The following AGBL4 variants were observed in gnomAD, a reference collection of about 807,000 sequenced individuals.
AGBL4 encodes cytosolic carboxypeptidase 6.
AGBL4 carries 58 observed loss-of-function variants against 66.4 expected under a neutral mutation model. That is an observed-to-expected ratio of 0.87 (90% CI 0.71 to 1.09). The LOEUF (loss-of-function observed/expected upper bound fraction) is 1.09, where lower values mean the gene tolerates loss of function less well. Ranked by LOEUF, AGBL4 falls within the 50% of genes least tolerant of loss-of-function variation. The pLI is 0.00. For synonymous variants in AGBL4, 234 were observed against 222.9 expected (o/e 1.05, Z -0.44); for missense variants, 579 against 631.0 (o/e 0.92, Z 0.88).
chr1:48,776,790 G>A (rs1645114625), intron 6 of AGBL4: 4 of 1,524,922 alleles, frequency 2.6e-6, no homozygotes, highest in Middle Eastern at 1.7e-4. Flanking sequence ...CGGGCAGCGC[G>A]TAGCAGACGT....
intron 5 of AGBL4, among the ~76,000 whole-genome samples, chr1:49,022,240 G>T (rs1233005457): frequency 2.0e-5 from 3 of 151,990 alleles, no homozygotes; most frequent in Non-Finnish European, 4.4e-5. Context: ...AAATGATAGT[G>T]CAGGATGAAG....
At chr1:49,593,349 G>A (rs1644789633) in intron 3 of AGBL4, among the ~76,000 whole-genome samples, 1 of 151,944 alleles carries the variant, frequency 6.6e-6, no homozygotes, top group Admixed American at 6.6e-5. Context: ...AGAGCTTGCA[G>A]TGAGCCGAGA....
chr1:49,610,876 G>A (rs1457244272), intron 3 of AGBL4, among the ~76,000 whole-genome samples: 2 of 152,064 alleles, frequency 1.3e-5, no homozygotes, highest in Admixed American at 6.6e-5. Flanking sequence ...CATATCACTC[G>A]GGGTCTGGCT....
chr1:49,429,322 T>C (rs1216669620), intron 3 of AGBL4, among the ~76,000 whole-genome samples: 2 of 152,224 alleles, frequency 1.3e-5, no homozygotes, highest in African/African-American at 4.8e-5. Flanking sequence ...AGAACACGCT[T>C]AGTGAATTTC....
chr1:49,920,635 T>C (rs1456159919), intron 1 of AGBL4, among the ~76,000 whole-genome samples: 4 of 152,106 alleles, frequency 2.6e-5, no homozygotes, highest in Non-Finnish European at 4.4e-5. Flanking sequence ...ACTTTTACAC[T>C]CTTGGTGGGA....
intron 3 of AGBL4, among the ~76,000 whole-genome samples, chr1:49,302,634 T>TTTTTA: frequency 7.3e-6 from 1 of 137,858 alleles, no homozygotes; most frequent in African/African-American, 2.7e-5. Flanking sequence ...TTTTATTTTA[T>TTTTTA]TTTATTTTAT....
At chr1:49,835,168 AG>A (rs1247841258) in intron 2 of AGBL4, among the ~76,000 whole-genome samples, 4 of 152,044 alleles carry the variant, frequency 2.6e-5, no homozygotes, top group African/African-American at 4.8e-5. Flanking sequence ...ATTGACAGTG[AG>A]GTGTTGAAGG....
chr1:49,037,242 A>C (rs571698337), intron 5 of AGBL4, among the ~76,000 whole-genome samples: 2 of 151,958 alleles, frequency 1.3e-5, no homozygotes, highest in African/African-American at 2.4e-5. Flanking sequence ...TTCTTATGTC[A>C]TTCCTATTAT....
At chr1:49,519,539 C>A (rs1650091077) in intron 3 of AGBL4, among the ~76,000 whole-genome samples, 1 of 152,000 alleles carries the variant, frequency 6.6e-6, no homozygotes, top group Non-Finnish European at 1.5e-5. Flanking sequence ...ATAGCACAGA[C>A]TAGAAATGAG....
At chr1:49,197,288 C>T (rs977873848) in intron 4 of AGBL4, among the ~76,000 whole-genome samples, 5 of 152,310 alleles carry the variant, frequency 3.3e-5, no homozygotes, top group African/African-American at 4.8e-5. Flanking sequence ...TTACCATGAG[C>T]AGGCTCATGA....
intron 4 of AGBL4, among the ~76,000 whole-genome samples, chr1:49,168,117 C>T (rs982480749): frequency 5.3e-5 from 8 of 152,102 alleles, no homozygotes; most frequent in South Asian, 4.2e-4. Context: ...TTTTGATATC[C>T]GAGGGGGCTC....
At chr1:48,812,088 T>C (rs746320968) in intron 6 of AGBL4, among the ~76,000 whole-genome samples, 137 of 152,098 alleles carry the variant, frequency 9.0e-4, no homozygotes, top group Non-Finnish European at 1.7e-3. Flanking sequence ...AGACAGATAA[T>C]AAGTGTGGGT....
chr1:49,765,679 C>A (rs1240032841), intron 2 of AGBL4, among the ~76,000 whole-genome samples: 2 of 151,676 alleles, frequency 1.3e-5, no homozygotes, highest in Admixed American at 6.6e-5. Context: ...CAAAACAATG[C>A]TGAAAACACA....
chr1:49,571,266 A>G (rs1297483265), intron 3 of AGBL4, among the ~76,000 whole-genome samples: 1 of 151,976 alleles, frequency 6.6e-6, no homozygotes, highest in Non-Finnish European at 1.5e-5. Flanking sequence ...AATTTCTTTC[A>G]TAGTGTATTG....
intron 4 of AGBL4, among the ~76,000 whole-genome samples, chr1:49,122,602 T>C (rs1010488284): frequency 2.0e-5 from 3 of 152,192 alleles, no homozygotes; most frequent in Admixed American, 1.3e-4. Context: ...ATCACACAGT[T>C]GTTAAGTGTA....
chr1:49,978,612 T>G (rs1341341448), intron 1 of AGBL4, among the ~76,000 whole-genome samples: 1 of 152,170 alleles, frequency 6.6e-6, no homozygotes, highest in Non-Finnish European at 1.5e-5. Context: ...TGTGAGAATA[T>G]GGAAAGATAT....
intron 3 of AGBL4, among the ~76,000 whole-genome samples, chr1:49,426,610 T>C (rs1277042261): frequency 6.6e-6 from 1 of 152,158 alleles, no homozygotes; most frequent in Non-Finnish European, 1.5e-5. Flanking sequence ...CAATAGCTTC[T>C]ACTTATTTAA....
At chr1:48,698,025 C>T (rs1646740762) in intron 6 of AGBL4, among the ~76,000 whole-genome samples, 1 of 152,232 alleles carries the variant, frequency 6.6e-6, no homozygotes, top group African/African-American at 2.4e-5. Flanking sequence ...CGGAATGACT[C>T]CTAAGGCTGG....
intron 2 of AGBL4, among the ~76,000 whole-genome samples, chr1:49,729,478 A>G (rs1009185865): frequency 6.6e-6 from 1 of 152,206 alleles, no homozygotes; most frequent in Non-Finnish European, 1.5e-5. Context: ...GATGTAGTAA[A>G]GCTCTACATG....
Sources: allele counts gnomAD v4.1 joint callset (sites outside exome capture counted in the v4.1 genomes callset), GRCh38; gene constraint gnomAD v4.1.1; transcripts MANE v1.5; gene names NCBI Gene and HGNC (gene_info 2026-07-23, HGNC 2026-07-21).